Variants in KIF6 observed in about 807,000 individuals in gnomAD.
KIF6 encodes the protein kinesin family member 6.
In KIF6, 106 loss-of-function variants were observed where a neutral mutation model predicts 112.7. The observed-to-expected ratio is 0.94, with a 90% CI of 0.80 to 1.11. The LOEUF is 1.11. KIF6 is among the 50% of genes least tolerant of loss of function. The probability of loss-of-function intolerance (pLI) is 0.00; values close to 1 mark genes in which losing one functional copy is unlikely to be tolerated. For synonymous variants in KIF6, 339 were observed against 339.9 expected (o/e 1.00, Z 0.03); for missense variants, 929 against 964.0 (o/e 0.96, Z 0.48).
At position 39,478,789 on chromosome 6, in the gene KIF6, G is replaced by T. The variant is rs547543187; in HGVS notation, c.1646-47628C>A. 1.1e-3 allele frequency among the ~76,000 whole-genome samples: 167 copies of T among 150,654 alleles called. 1 individual carries two copies. The highest frequency in any genetic ancestry group is 1.9e-3 in the Non-Finnish European group (127 of 67,782). Reference sequence around the variant, plus strand: ...ATTTTTTTTAAATTTTTTGATTATGGCCATTCTTACGGGAGTGAGTTGGTA... The same window carrying T: ...ATTTTTTTTAAATTTTTTGATTATGTCCATTCTTACGGGAGTGAGTTGGTA... On this transcript the variant is annotated intron_variant, in intron 13 of 22. Transcript: ENST00000287152.
At chr6:39,590,984 G>A (rs535793974) in intron 7 of KIF6, among the ~76,000 whole-genome samples, 8 of 152,068 alleles carry the variant, frequency 5.3e-5, no homozygotes, top group East Asian at 1.9e-4. Context: ...CTCTTCTTGC[G>A]GCCCCACAAT....
chr6:39,450,769 C>T (rs770601076), intron 13 of KIF6, among the ~76,000 whole-genome samples: 2 of 152,184 alleles, frequency 1.3e-5, no homozygotes, highest in Non-Finnish European at 2.9e-5. Flanking sequence ...CGCACCACTG[C>T]ACTCCAGCCT....
intron 3 of KIF6, among the ~76,000 whole-genome samples, chr6:39,667,323 G>A (rs1786536197): frequency 6.6e-6 from 1 of 152,122 alleles, no homozygotes; most frequent in Non-Finnish European, 1.5e-5. Context: ...GAATCCAAGG[G>A]CCAATGAGCC....
rs376302131 is a variant in KIF6 at position 39,575,340 on chromosome 6, G to A, written c.1181+2716C>T. Among the ~76,000 whole-genome samples, 4 of 151,384 alleles carry A rather than the reference G, an allele frequency of 2.6e-5. No homozygotes were observed. In the South Asian group the frequency reaches 8.4e-4, roughly 32 times the overall value. ...GGCCGGAGTGCAGTGGCGCGATCTC[G>A]GCTCATTGCAAGCTCTGCCTCCCGG... On this transcript the variant is annotated intron_variant, in intron 10 of 22. Transcript: ENST00000287152.
intron 1 of KIF6, among the ~76,000 whole-genome samples, chr6:39,722,059 T>G (rs142593073): frequency 1.3e-5 from 2 of 152,244 alleles, no homozygotes; most frequent in South Asian, 2.1e-4. Flanking sequence ...ATAAAGTATT[T>G]GTAGAAAGCA....
intron 3 of KIF6, among the ~76,000 whole-genome samples, chr6:39,692,512 G>T (rs77422758): frequency 1.9e-4 from 29 of 152,102 alleles, no homozygotes; most frequent in African/African-American, 6.3e-4. Context: ...TCAGAATCAC[G>T]CACAGGAAGA....
chr6:39,357,332 A>G lies in KIF6; in HGVS notation c.2125T>C (p.Phe709Leu). ...AVNSLDHTKP[F>L]LQTSDSQHEW... ...TGCTGGGAGTCAGATGTCTGGAGAA[A>G]TGGCTTCGTGTGATCGAGTGAATTC... Residue 709 changes from phenylalanine to leucine, a missense_variant, in exon 19 of 23, where the codon TTT becomes CTT. This residue lies in a region of KIF6 where 241 missense variants were observed against 301.4 expected (regional missense o/e 0.80). Coordinates refer to ENST00000287152, the MANE Select transcript of KIF6 (RefSeq NM_145027.6). 6.2e-7 allele frequency: 1 copy of G among 1,614,052 alleles called. No individual in the cohort carries two copies.
chr6:39,442,511 G>A (rs1004898978), intron 13 of KIF6, among the ~76,000 whole-genome samples: 4 of 152,182 alleles, frequency 2.6e-5, no homozygotes, highest in African/African-American at 9.7e-5. Context: ...TTGGAAAGCC[G>A]CCTGGGTCAT....
At chr6:39,424,256 C>T (rs1305821377) in intron 14 of KIF6, among the ~76,000 whole-genome samples, 1 of 152,202 alleles carries the variant, frequency 6.6e-6, no homozygotes, top group Non-Finnish European at 1.5e-5. Context: ...GATGTCTCCT[C>T]CTCTGGATAG....
At chr6:39,708,422 G>A (rs1341331489) in intron 3 of KIF6, among the ~76,000 whole-genome samples, 1 of 152,182 alleles carries the variant, frequency 6.6e-6, no homozygotes, top group Non-Finnish European at 1.5e-5. Context: ...GTTAACCAGT[G>A]GTGGCTCATA....
At position 39,714,737 on chromosome 6, in the gene KIF6, T is replaced by C; in HGVS notation, c.206A>G (p.Asn69Ser). ...KFQRIFDQDA[N>S]QETVFENIAK... ...AATGTTTTCAAAAACGGTCTCTTGG[T>C]TTGCATCCTGATCAAAAATTCTTTG... The change falls in exon 3 of 23, where the codon AAC becomes AGC. Residue 69 changes from asparagine (N) to serine (S), a missense_variant. Physicochemically the swap from Asn to Ser is conservative, Grantham distance 46. This residue lies in a region of KIF6 where 688 missense variants were observed against 662.7 expected (regional missense o/e 1.04). Transcript: ENST00000287152. 6.2e-7 allele frequency: 1 copy of C among 1,613,670 alleles called. No homozygotes were observed. The highest frequency in any genetic ancestry group is 1.7e-5 in the Admixed American group (1 of 59,980).
chr6:39,355,926 C>T lies in KIF6; in HGVS notation c.2180+1351G>A, dbSNP rs558222675. On this transcript the variant is annotated intron_variant, in intron 19 of 22. Coordinates refer to ENST00000287152, the MANE Select transcript of KIF6 (RefSeq NM_145027.6). ...GGTTCATTTGCCACAATCACTGAAC[C>T]GATATTGATACATTGTTATTAACTA... is the stretch of plus-strand genomic sequence containing the variant. Among the ~76,000 whole-genome samples the T allele has an allele frequency of 6.4e-4, 97 of 151,930 alleles. 3 individuals are homozygous for T. The highest frequency in any genetic ancestry group is 3.1e-4 in the Non-Finnish European group (21 of 68,018).
At chr6:39,618,702 A>G (rs1289326427) in intron 5 of KIF6, among the ~76,000 whole-genome samples, 2 of 151,248 alleles carry the variant, frequency 1.3e-5, no homozygotes, top group African/African-American at 4.9e-5. Context: ...TTCCAACCTG[A>G]CTGTGATGTA....
intron 3 of KIF6, among the ~76,000 whole-genome samples, chr6:39,680,875 T>TGGGGAA (rs1039164812): frequency 6.6e-6 from 1 of 152,042 alleles, no homozygotes; most frequent in African/African-American, 2.4e-5. Context: ...GGACTGCAGG[T>TGGGGAA]GGGGAATGCA....
intron 13 of KIF6, among the ~76,000 whole-genome samples, chr6:39,449,250 C>T (rs1772530604): frequency 6.6e-6 from 1 of 152,226 alleles, no homozygotes; most frequent in Non-Finnish European, 1.5e-5. Context: ...TCTCCTGTGG[C>T]TTCCCATGGA....
chr6:39,420,860 G>T (rs889962923), intron 14 of KIF6, among the ~76,000 whole-genome samples: 8 of 151,852 alleles, frequency 5.3e-5, no homozygotes, highest in Non-Finnish European at 8.8e-5. Flanking sequence ...GCATACCTTT[G>T]ATGGCTTCAT....
rs1251488368 is a variant in KIF6 at position 39,590,539 on chromosome 6, C to T, written c.847-4135G>A. 3.3e-5 allele frequency among the ~76,000 whole-genome samples: 5 copies of T among 149,464 alleles called. No homozygotes were observed. The Admixed American group carries it at 3.3e-4, about 10-fold the overall frequency. On this transcript the variant is annotated intron_variant, in intron 7 of 22. Transcript: ENST00000287152. ...CAACCTGGGCTCACTGGAACCTCTG[C>T]CTCCTGGATTCAAGCGATTCGCCAG...
chr6:39,695,691 G>A (rs1042275527), intron 3 of KIF6, among the ~76,000 whole-genome samples: 3 of 152,164 alleles, frequency 2.0e-5, no homozygotes, highest in Admixed American at 6.5e-5. Flanking sequence ...TTTCTACACT[G>A]TTCATGGGAA....
chr6:39,635,703 G>A (rs1784591075), intron 4 of KIF6, among the ~76,000 whole-genome samples: 1 of 152,058 alleles, frequency 6.6e-6, no homozygotes, highest in South Asian at 2.1e-4. Flanking sequence ...CCTGGTCCTA[G>A]TCTCAATTCT....
Sources: allele counts gnomAD v4.1 joint callset (sites outside exome capture counted in the v4.1 genomes callset), GRCh38; gene constraint gnomAD v4.1.1; regional missense constraint gnomAD v4.1.1; transcripts MANE v1.5; gene names NCBI Gene and HGNC (gene_info 2026-07-23, HGNC 2026-07-21).